ACER3: variants seen among roughly 807,000 people sequenced by gnomAD.
ACER3 encodes the protein alkCDase 3.
A neutral mutation model predicts 48.9 loss-of-function variants in ACER3; 16 were observed. The observed-to-expected ratio is 0.33, with a 90% CI of 0.22 to 0.50. ACER3 has a LOEUF of 0.50. Ranked by LOEUF, ACER3 falls within the 20% of genes least tolerant of loss-of-function variation. The pLI is 0.98. For missense variants in ACER3, 227 were observed against 326.0 expected (o/e 0.70, Z 2.34); for synonymous variants, 109 against 107.8 (o/e 1.01, Z -0.07).
intron 6 of ACER3, among the ~76,000 whole-genome samples, chr11:76,998,164 G>A (rs2135257110): frequency 6.6e-6 from 1 of 152,152 alleles, no homozygotes; most frequent in Non-Finnish European, 1.5e-5. Context: ...AATTTTCCAG[G>A]TACTAATACA....
chr11:76,910,293 A>T (rs982597518), intron 1 of ACER3, among the ~76,000 whole-genome samples: 8 of 152,122 alleles, frequency 5.3e-5, no homozygotes, highest in African/African-American at 1.9e-4. Context: ...AAAAATTATG[A>T]TTTTCACAGA....
At chr11:76,987,463 A>G (rs1464807080) in intron 5 of ACER3, among the ~76,000 whole-genome samples, 2 of 152,206 alleles carry the variant, frequency 1.3e-5, no homozygotes, top group Non-Finnish European at 1.5e-5. Context: ...GGTTTGTGCC[A>G]TGGGGTAGGG....
In ACER3 at chr11:76,965,210, G is replaced by A. The variant is rs564502224; in HGVS notation, c.267+6179G>A. 5.3e-5 allele frequency among the ~76,000 whole-genome samples: 8 copies of A among 151,504 alleles called. No individual in the cohort carries two copies. In the South Asian group the frequency reaches 6.2e-4, roughly 12 times the overall value. On this transcript the variant is annotated intron_variant, in intron 3 of 10. Coordinates refer to ENST00000532485, the MANE Select transcript of ACER3 (RefSeq NM_018367.7). ...CGATCAACTGGAAGAAAGGCTATCA[G>A]TGATGGAAGACGAAATGAATGAAAT...
intron 2 of ACER3, among the ~76,000 whole-genome samples, chr11:76,932,338 T>C (rs750683438): frequency 3.9e-5 from 6 of 152,192 alleles, no homozygotes; most frequent in Non-Finnish European, 8.8e-5. Flanking sequence ...GACTTCTAAT[T>C]ATCCCAAAAC....
rs1949528687 is a variant in ACER3, at chr11:77,024,907, T to C, written c.*4580T>C. On this transcript the variant is annotated 3_prime_UTR_variant, in exon 11 of 11. Coordinates refer to ENST00000532485, the MANE Select transcript of ACER3 (RefSeq NM_018367.7). ...AAGAAATTCAGTTACAGGCTGCAAGTGACCTAAAATTCCCCTACTCTAGCT... is the reference window on the plus strand; with the variant it reads ...AAGAAATTCAGTTACAGGCTGCAAGCGACCTAAAATTCCCCTACTCTAGCT... 6.6e-6 allele frequency: 1 copy of C among 152,210 alleles called. No individual in the cohort carries two copies. The highest frequency in any genetic ancestry group is 2.4e-5 in the African/African-American group (1 of 41,456). 9.4% of individuals were successfully genotyped at this position (152,210 alleles called of 1,614,324 possible).
intron 1 of ACER3, among the ~76,000 whole-genome samples, chr11:76,909,125 G>C (rs529587297): frequency 3.3e-4 from 51 of 152,244 alleles, no homozygotes; most frequent in Admixed American, 7.8e-4. Flanking sequence ...ATTAACTCAA[G>C]CTGGATTAAA....
chr11:76,862,844 G>GA (rs942628310), intron 1 of ACER3, among the ~76,000 whole-genome samples: 2 of 152,120 alleles, frequency 1.3e-5, no homozygotes, highest in South Asian at 4.1e-4. Flanking sequence ...ATTTTCGAAG[G>GA]AAAAAATTAT....
intron 1 of ACER3, among the ~76,000 whole-genome samples, chr11:76,913,969 A>T (rs1190979401): frequency 6.6e-6 from 1 of 152,218 alleles, no homozygotes; most frequent in African/African-American, 2.4e-5. Context: ...TATTTAATAA[A>T]TGGTGCTGGG....
At chr11:76,951,530 T>C (rs7945781) in intron 2 of ACER3, among the ~76,000 whole-genome samples, 16,356 of 152,218 alleles carry the variant, frequency 0.11, 2,914 homozygotes, top group African/African-American at 0.37. Context: ...CCTTGATTTC[T>C]TGTTAAATGT....
At chr11:76,948,001 G>A (rs1034168216) in intron 2 of ACER3, among the ~76,000 whole-genome samples, 4 of 152,198 alleles carry the variant, frequency 2.6e-5, no homozygotes, top group South Asian at 2.1e-4. Flanking sequence ...TGCCTAAGGC[G>A]GAAAGCAGGC....
In ACER3 at chr11:77,016,626, G is replaced by A. The variant is rs782169579; in HGVS notation, c.600-49G>A. 54 of 1,015,068 alleles carry A rather than the reference G, an allele frequency of 5.3e-5. 1 individual carries two copies. In the South Asian group the frequency reaches 6.6e-4, roughly 12 times the overall value. 62.9% of individuals were successfully genotyped at this position (1,015,068 alleles called of 1,614,324 possible). A position where few individuals can be genotyped will look rare whatever the true frequency, so the allele number is the denominator to read the frequency against. On this transcript the variant is annotated intron_variant, in intron 8 of 10. Transcript: ENST00000532485. ...TGCTCTAAGACTATCAGCGTTAGTCGCTAAATATTTTAAAAATTTAACGTG... is the reference window on the plus strand; with the variant it reads ...TGCTCTAAGACTATCAGCGTTAGTCACTAAATATTTTAAAAATTTAACGTG...
chr11:76,890,713 T>C (rs950710460), intron 1 of ACER3, among the ~76,000 whole-genome samples: 3 of 152,234 alleles, frequency 2.0e-5, no homozygotes, highest in Admixed American at 6.5e-5. Context: ...ATCTACTATA[T>C]GTATATTAGT....
intron 3 of ACER3, among the ~76,000 whole-genome samples, chr11:76,971,911 T>TG (rs769491684): frequency 1.3e-5 from 2 of 151,642 alleles, no homozygotes; most frequent in Non-Finnish European, 2.9e-5. Context: ...GATGAAGGGG[T>TG]GGGGGGTGGT....
Position 76,870,090 on chromosome 11 carries a change from G to C in ACER3, c.103+9011G>C, listed in dbSNP as rs140360803. ...TTGCCCAGGCTGGTCTCAACCTCCT[G>C]GGCTCAAGTGATCCTTCCAACTCAG... is the stretch of plus-strand genomic sequence containing the variant. On this transcript the variant is annotated intron_variant, in intron 1 of 10. Coordinates refer to ENST00000532485, the MANE Select transcript of ACER3 (RefSeq NM_018367.7). Among the ~76,000 whole-genome samples the C allele has an allele frequency of 4.0e-4, 61 of 151,932 alleles. 3 individuals carry two copies. The East Asian group carries it at 0.012, about 29-fold the overall frequency.
Position 76,878,865 on chromosome 11 carries a change from G to T in ACER3, c.103+17786G>T, listed in dbSNP as rs527564918. On this transcript the variant is annotated intron_variant, in intron 1 of 10. Coordinates refer to ENST00000532485, the MANE Select transcript of ACER3 (RefSeq NM_018367.7). ...TTCTTAATTTTATCCATTCTGGAGT[G>T]TGTGTAGTGGTATCTCATTGTAATT... 1.2e-4 allele frequency among the ~76,000 whole-genome samples: 18 copies of T among 152,158 alleles called. No individual in the cohort carries two copies. In the South Asian group the frequency reaches 3.5e-3, roughly 30 times the overall value.
At chr11:76,889,141 C>T (rs1590885916) in intron 1 of ACER3, among the ~76,000 whole-genome samples, 1 of 152,096 alleles carries the variant, frequency 6.6e-6, no homozygotes. Context: ...TGGTCCAAGG[C>T]CTCATCTCTC....
chr11:76,911,574 A>G (rs573641717), intron 1 of ACER3, among the ~76,000 whole-genome samples: 8 of 152,092 alleles, frequency 5.3e-5, no homozygotes, highest in Non-Finnish European at 1.0e-4. Flanking sequence ...TTTCAGCCTC[A>G]TTTTATCCAG....
In ACER3 at chr11:76,903,835, C is replaced by T. The variant is rs530177332; in HGVS notation, c.104-22722C>T. ...GCATATAGAGGATCTTCTTCCCTTT[C>T]AAGGTCTTTTCCTGATCCAGGAGAG... On this transcript the variant is annotated intron_variant, in intron 1 of 10. Coordinates refer to ENST00000532485, the MANE Select transcript of ACER3 (RefSeq NM_018367.7). Among the ~76,000 whole-genome samples the T allele has an allele frequency of 1.1e-4, 17 of 152,270 alleles. No individual in the cohort carries two copies. The East Asian group carries it at 3.3e-3, about 29-fold the overall frequency.
chr11:76,870,062 A>G (rs1220447915), intron 1 of ACER3, among the ~76,000 whole-genome samples: 1 of 151,246 alleles, frequency 6.6e-6, no homozygotes, highest in African/African-American at 2.4e-5. Context: ...AGATCTTACT[A>G]TGTTGCCCAG....
Sources: allele counts gnomAD v4.1 joint callset (sites outside exome capture counted in the v4.1 genomes callset), GRCh38; gene constraint gnomAD v4.1.1; transcripts MANE v1.5; gene names NCBI Gene and HGNC (gene_info 2026-07-23, HGNC 2026-07-21).